FILIP1L: variants seen among roughly 807,000 people sequenced by gnomAD.
FILIP1L encodes filamin A interacting protein 1 like.
In FILIP1L, 55 loss-of-function variants were observed where a neutral mutation model predicts 96.6. That is an observed-to-expected ratio of 0.57 (90% CI 0.46 to 0.71). The LOEUF (loss-of-function observed/expected upper bound fraction) is 0.71, where lower values mean the gene tolerates loss of function less well. Among genes scored for constraint, FILIP1L ranks in the 30% least tolerant of loss-of-function variants. The pLI, the probability that FILIP1L is intolerant of heterozygous loss-of-function variation, is 0.00. For synonymous variants in FILIP1L, 467 were observed against 473.9 expected (o/e 0.99, Z 0.19); for missense variants, 1,304 against 1,321.2 (o/e 0.99, Z 0.20).
At chr3:100,014,887 C>CTTT (rs1559725867) in intron 1 of FILIP1L, among the ~76,000 whole-genome samples, 4 of 32,472 alleles carry the variant, frequency 1.2e-4, no homozygotes, top group African/African-American at 2.5e-4. Flanking sequence ...TTTTTTTTTT[C>CTTT]TTTCTTTCTT....
chr3:100,000,738 A>T (rs908620119), intron 1 of FILIP1L, among the ~76,000 whole-genome samples: 1 of 152,302 alleles, frequency 6.6e-6, no homozygotes, highest in Admixed American at 6.5e-5. Flanking sequence ...TAAAAATTCT[A>T]ACCCCTATTC....
chr3:99,941,929 A>G (rs945048533), intron 1 of FILIP1L, among the ~76,000 whole-genome samples: 1 of 152,232 alleles, frequency 6.6e-6, no homozygotes, highest in Non-Finnish European at 1.5e-5. Flanking sequence ...TTGATTATCC[A>G]TGAGGTGGGA....
intron 1 of FILIP1L, among the ~76,000 whole-genome samples, chr3:99,960,917 A>G (rs1357234539): frequency 6.6e-6 from 1 of 152,198 alleles, no homozygotes; most frequent in Non-Finnish European, 1.5e-5. Flanking sequence ...AACAAAGTGA[A>G]ATGTAAAAAG....
At chr3:99,846,465 A>T (rs932911453) in intron 5 of FILIP1L, among the ~76,000 whole-genome samples, 1 of 152,244 alleles carries the variant, frequency 6.6e-6, no homozygotes, top group Admixed American at 6.5e-5. Flanking sequence ...TAAGTTTGCC[A>T]TTCCTTCTAG....
At chr3:99,873,533 T>C (rs914931249) in intron 4 of FILIP1L, among the ~76,000 whole-genome samples, 4 of 152,196 alleles carry the variant, frequency 2.6e-5, no homozygotes, top group African/African-American at 9.7e-5. Context: ...CCTTGTAAAA[T>C]GTTCACTTTG....
intron 1 of FILIP1L, among the ~76,000 whole-genome samples, chr3:100,007,095 G>A (rs758518667): frequency 4.6e-5 from 7 of 152,144 alleles, no homozygotes; most frequent in East Asian, 3.9e-4. Context: ...TTTCTGACTC[G>A]CTTTTTCTTG....
chr3:100,044,610 G>A (rs2065251861), intron 1 of FILIP1L, among the ~76,000 whole-genome samples: 1 of 152,170 alleles, frequency 6.6e-6, no homozygotes, highest in African/African-American at 2.4e-5. Context: ...AGGTAGTGAA[G>A]CCAGATTATA....
intron 1 of FILIP1L, among the ~76,000 whole-genome samples, chr3:99,974,823 TAGTCCTTAGGAG>T: frequency 6.6e-6 from 1 of 152,254 alleles, no homozygotes; most frequent in East Asian, 1.9e-4. Context: ...GATAATAATT[TAGTCCTTAGGAG>T]ATGAACATTT....
At chr3:100,102,889 T>C (rs2066333385) in intron 1 of FILIP1L, among the ~76,000 whole-genome samples, 1 of 152,196 alleles carries the variant, frequency 6.6e-6, no homozygotes, top group Non-Finnish European at 1.5e-5. Context: ...AGCCCTGTCA[T>C]CAAAAATAAC....
rs1942629001 is a variant in FILIP1L, at chr3:99,830,336, T to C, written c.*78A>G. 1 of 358,864 alleles carries C rather than the reference T, an allele frequency of 2.8e-6. No individual in the cohort carries two copies. The highest frequency in any genetic ancestry group is 5.6e-6 in the Non-Finnish European group (1 of 179,548). 22.2% of individuals were successfully genotyped at this position (358,864 alleles called of 1,614,324 possible). A position where few individuals can be genotyped will look rare whatever the true frequency, so the allele number is the denominator to read the frequency against. On this transcript the variant is annotated 3_prime_UTR_variant, in exon 6 of 6. Transcript: ENST00000477258. The stretch of plus-strand genomic sequence containing the variant: ...CACCATTTCCTGGAGAGATGGTCCT[T>C]TGGCCTTTCATAGTGGTAATTTTAG...
chr3:99,873,191 G>A (rs192531852), intron 4 of FILIP1L, among the ~76,000 whole-genome samples: 1 of 152,320 alleles, frequency 6.6e-6, no homozygotes. Flanking sequence ...TGCATATGCA[G>A]TGTCTCTTCA....
intron 1 of FILIP1L, among the ~76,000 whole-genome samples, chr3:99,951,316 T>C (rs971127707): frequency 1.3e-5 from 2 of 152,176 alleles, no homozygotes; most frequent in African/African-American, 4.8e-5. Flanking sequence ...CTTACATCTA[T>C]ATTATTATCT....
chr3:99,928,117 T>C (rs549634865), intron 3 of FILIP1L, among the ~76,000 whole-genome samples: 1 of 152,336 alleles, frequency 6.6e-6, no homozygotes, highest in African/African-American at 2.4e-5. Flanking sequence ...TTCAAGATGC[T>C]TATTCTCATG....
intron 1 of FILIP1L, among the ~76,000 whole-genome samples, chr3:100,060,603 C>T (rs2065546517): frequency 6.6e-6 from 1 of 152,058 alleles, no homozygotes; most frequent in Admixed American, 6.5e-5. Context: ...ACCTGTAATC[C>T]CAGCACTTTG....
intron 4 of FILIP1L, 140 bp downstream of exon 4, chr3:99,924,089 CA>C: frequency 1.4e-6 from 1 of 740,114 alleles, no homozygotes; most frequent in Non-Finnish European, 2.3e-6. Flanking sequence ...TGTCTTCAAA[CA>C]TATCCTTTTC....
intron 1 of FILIP1L, among the ~76,000 whole-genome samples, chr3:99,986,494 G>A (rs1302297811): frequency 1.3e-5 from 2 of 152,182 alleles, no homozygotes; most frequent in African/African-American, 4.8e-5. Context: ...AGTTGATAGT[G>A]AAAGAAATAG....
At chr3:99,911,181 A>G (rs1332379831) in intron 4 of FILIP1L, among the ~76,000 whole-genome samples, 1 of 152,072 alleles carries the variant, frequency 6.6e-6, no homozygotes, top group Non-Finnish European at 1.5e-5. Flanking sequence ...CCAAATGGAA[A>G]TGTATTTCTT....
At chr3:99,930,658 T>G in intron 2 of FILIP1L, 111 bp downstream of exon 2, 1 of 1,164,192 alleles carries the variant, frequency 8.6e-7, no homozygotes, top group Non-Finnish European at 1.2e-6. Flanking sequence ...TTTGCTTTCA[T>G]GTACACACAT....
intron 1 of FILIP1L, among the ~76,000 whole-genome samples, chr3:100,088,642 T>C (rs1390138014): frequency 6.6e-6 from 1 of 152,150 alleles, no homozygotes; most frequent in African/African-American, 2.4e-5. Flanking sequence ...CTTTCTCTCC[T>C]TCTCTGCAGT....
Sources: gnomAD v4.1 joint callset for allele counts (sites outside exome capture counted in the v4.1 genomes callset) on GRCh38, gnomAD v4.1.1 for gene constraint, MANE v1.5 for transcripts, NCBI Gene and HGNC (gene_info 2026-07-23, HGNC 2026-07-21) for gene names.